PCDHA4: variants seen among roughly 807,000 people sequenced by gnomAD.
PCDHA4 encodes protocadherin alpha 4.
Under a neutral mutation model 61.4 loss-of-function variants are expected in PCDHA4, and 49 were observed. The observed-to-expected ratio is 0.80, with a 90% CI of 0.63 to 1.01. PCDHA4 has a LOEUF of 1.01. Ranked by LOEUF, PCDHA4 falls within the 50% of genes least tolerant of loss-of-function variation. PCDHA4 has a pLI of 0.00. For synonymous variants in PCDHA4, 590 were observed against 550.3 expected, an observed-to-expected ratio of 1.07 and a Z score of -1.01; for missense variants, 1,254 against 1,235.8, an observed-to-expected ratio of 1.01 and a Z score of -0.22.
intron 1 of PCDHA4, chr5:140,825,399 ATTATATATT>A (rs1370061180): frequency 4.1e-5 from 6 of 145,886 alleles, no homozygotes; most frequent in African/African-American, 1.5e-4. Flanking sequence ...TATCTAATAT[ATTATATATT>A]TTATATAATA....
intron 1 of PCDHA4, among the ~76,000 whole-genome samples, chr5:140,838,286 T>A (rs1216853722): frequency 2.0e-5 from 3 of 149,522 alleles, no homozygotes; most frequent in Admixed American, 6.7e-5. Flanking sequence ...GCTAATTTTT[T>A]TTTTTTTTTG....
At chr5:140,883,008 AT>A in intron 1 of PCDHA4, 1 of 1,614,178 alleles carries the variant, frequency 6.2e-7, no homozygotes, top group Non-Finnish European at 8.5e-7. Context: ...CAATCCGTTT[AT>A]AAAGTGACGG....
chr5:140,972,218 C>A (rs367920234), intron 1 of PCDHA4, among the ~76,000 whole-genome samples: 129 of 152,040 alleles, frequency 8.5e-4, no homozygotes, highest in Middle Eastern at 3.4e-3. Flanking sequence ...TGGCTCACTG[C>A]AGCCTCGACC....
At chr5:140,905,135 T>A (rs2071619691) in intron 1 of PCDHA4, among the ~76,000 whole-genome samples, 1 of 152,208 alleles carries the variant, frequency 6.6e-6, no homozygotes, top group Non-Finnish European at 1.5e-5. Context: ...GAAGAGTTTT[T>A]CTGCTGTTAT....
intron 1 of PCDHA4, chr5:140,870,906 C>T (rs201710263): frequency 1.2e-6 from 2 of 1,613,948 alleles, no homozygotes; most frequent in African/African-American, 2.7e-5. Flanking sequence ...CGGACTCAGG[C>T]TACAACGCGT....
chr5:140,868,183 T>A (rs1286748964), intron 1 of PCDHA4: 2 of 152,160 alleles, frequency 1.3e-5, no homozygotes, highest in African/African-American at 4.8e-5. Flanking sequence ...TCTCATATTA[T>A]GCTACTATGG....
chr5:140,969,210 C>T, intron 1 of PCDHA4: 10 of 1,614,184 alleles, frequency 6.2e-6, no homozygotes, highest in Non-Finnish European at 8.5e-6. Flanking sequence ...GGGGCCCAGA[C>T]AGGACCAGGG....
chr5:140,846,849 G>T (rs1318319896), intron 1 of PCDHA4, among the ~76,000 whole-genome samples: 1 of 149,562 alleles, frequency 6.7e-6, no homozygotes, highest in Non-Finnish European at 1.5e-5. Flanking sequence ...ACAATGCAAG[G>T]CAAGATAATG....
intron 1 of PCDHA4, among the ~76,000 whole-genome samples, chr5:140,874,292 G>C (rs1554167129): frequency 2.0e-5 from 3 of 152,146 alleles, no homozygotes; most frequent in Non-Finnish European, 4.4e-5. Context: ...AAATCTATGT[G>C]TACTTGTTCA....
intron 1 of PCDHA4, among the ~76,000 whole-genome samples, chr5:140,949,378 A>G (rs2094372256): frequency 6.6e-6 from 1 of 151,852 alleles, no homozygotes; most frequent in South Asian, 2.1e-4. Flanking sequence ...TGTCCTATCA[A>G]TTGCTCAGAG....
At chr5:140,846,481 T>A (rs1181531139) in intron 1 of PCDHA4, among the ~76,000 whole-genome samples, 1 of 146,696 alleles carries the variant, frequency 6.8e-6, no homozygotes, top group Non-Finnish European at 1.5e-5. Context: ...TTCAAATGAT[T>A]CTCCTTCCTC....
At chr5:140,927,118 G>A in intron 1 of PCDHA4, 2 of 1,613,946 alleles carry the variant, frequency 1.2e-6, no homozygotes, top group Non-Finnish European at 1.7e-6. Context: ...CGGCAATTTG[G>A]TGGTCAGAGA....
intron 1 of PCDHA4, among the ~76,000 whole-genome samples, chr5:140,904,620 A>T (rs1419190047): frequency 6.6e-6 from 1 of 151,986 alleles, no homozygotes; most frequent in Non-Finnish European, 1.5e-5. Flanking sequence ...TTTTACTTTT[A>T]GTTCTTTAAG....
At chr5:140,925,641 T>TATA (rs10569930) in intron 1 of PCDHA4, among the ~76,000 whole-genome samples, 50,126 of 143,032 alleles carry the variant, frequency 0.35, 8,990 homozygotes, top group South Asian at 0.5. Context: ...GAACTTAAAG[T>TATA]ATAATAATAA....
At chr5:140,912,806 T>TA (rs1378576653) in intron 1 of PCDHA4, among the ~76,000 whole-genome samples, 2 of 152,232 alleles carry the variant, frequency 1.3e-5, no homozygotes, top group African/African-American at 4.8e-5. Context: ...TGAGGGTTTT[T>TA]ATCATAAAGG....
chr5:140,842,603 C>A (rs2150340320), intron 1 of PCDHA4: 3 of 1,548,222 alleles, frequency 1.9e-6, no homozygotes, highest in Non-Finnish European at 2.6e-6. Context: ...GGTAACCGCG[C>A]GGGACGGGGG....
chr5:140,927,172 G>C (rs782548172), intron 1 of PCDHA4: 2 of 1,614,034 alleles, frequency 1.2e-6, no homozygotes, highest in African/African-American at 2.7e-5. Flanking sequence ...AGCTGCCTGC[G>C]TCTTGACCTA....
chr5:140,990,022 G>A (rs891983888), intron 3 of PCDHA4, among the ~76,000 whole-genome samples: 1 of 152,156 alleles, frequency 6.6e-6, no homozygotes, highest in African/African-American at 2.4e-5. Flanking sequence ...GCTAGGCAAA[G>A]GATGGGAGAA....
chr5:140,848,170 G>A, intron 1 of PCDHA4: 1 of 259,584 alleles, frequency 3.9e-6, no homozygotes, highest in Non-Finnish European at 7.4e-6. Flanking sequence ...GAAGGCTCCA[G>A]CAAGAGAAAC....
Sources: gnomAD v4.1 joint callset for allele counts (sites outside exome capture counted in the v4.1 genomes callset) on GRCh38, gnomAD v4.1.1 for gene constraint, MANE v1.5 for transcripts, NCBI Gene and HGNC (gene_info 2026-07-23, HGNC 2026-07-21) for gene names.